RHOU: variants seen among roughly 807,000 people sequenced by gnomAD.
RHOU encodes ras homolog family member U.
A neutral mutation model predicts 12.6 loss-of-function variants in RHOU; 8 were observed. That is an observed-to-expected ratio of 0.64 (90% confidence interval 0.37 to 1.15). The LOEUF (loss-of-function observed/expected upper bound fraction) is 1.15. Ranked by LOEUF, RHOU falls within the 50% of genes most tolerant of loss-of-function variation. The pLI is 0.01. For synonymous variants in RHOU, 161 were observed against 147.4 expected (o/e 1.09, Z -0.67); for missense variants, 258 against 347.0 (o/e 0.74, Z 2.04).
chr1:228,646,736 C>CCACACA, the RHOU span, among the ~76,000 whole-genome samples: 1 of 151,902 alleles, frequency 6.6e-6, no homozygotes, highest in Non-Finnish European at 1.5e-5. Flanking sequence ...ATCCACTCCC[C>CCACACA]CACACACAGA....
At chr1:228,707,505 C>A in the RHOU span, among the ~76,000 whole-genome samples, 1 of 151,532 alleles carries the variant, frequency 6.6e-6, no homozygotes, top group Admixed American at 6.6e-5. Flanking sequence ...TGACCCCTGA[C>A]CCCCGAGCAG....
the RHOU span, among the ~76,000 whole-genome samples, chr1:228,677,684 G>A: frequency 6.6e-6 from 1 of 152,162 alleles, no homozygotes; most frequent in Non-Finnish European, 1.5e-5. Flanking sequence ...CAGAATAAGA[G>A]TGAGTATAAA....
chr1:228,695,916 T>A, the RHOU span, among the ~76,000 whole-genome samples: 1 of 152,356 alleles, frequency 6.6e-6, no homozygotes, highest in East Asian at 1.9e-4. Flanking sequence ...AATCCTGCCT[T>A]GATCTTTCAG....
the RHOU span, among the ~76,000 whole-genome samples, chr1:228,727,512 T>C: frequency 6.6e-6 from 1 of 152,160 alleles, no homozygotes; most frequent in Admixed American, 6.5e-5. Context: ...GGTTTTACCA[T>C]GTTGCCCAGG....
chr1:228,715,955 C>G, the RHOU span, among the ~76,000 whole-genome samples: 2 of 148,982 alleles, frequency 1.3e-5, no homozygotes, highest in Non-Finnish European at 3.0e-5. Flanking sequence ...CACTCTGTCA[C>G]TCAGCCTGGA....
chr1:228,668,090 A>T, the RHOU span, among the ~76,000 whole-genome samples: 1 of 152,192 alleles, frequency 6.6e-6, no homozygotes, highest in Admixed American at 6.5e-5. Context: ...AATCATACCT[A>T]TGTAATGGAA....
chr1:228,725,344 C>G, the RHOU span, among the ~76,000 whole-genome samples: 1 of 152,132 alleles, frequency 6.6e-6, no homozygotes, highest in Non-Finnish European at 1.5e-5. Context: ...TTCCTGCTGT[C>G]CTTTAGAGGT....
chr1:228,649,217 C>T, the RHOU span, among the ~76,000 whole-genome samples: 1 of 152,122 alleles, frequency 6.6e-6, no homozygotes, highest in Non-Finnish European at 1.5e-5. Context: ...TACTAGAGTA[C>T]CTGTTTACAT....
chr1:228,745,089 G>T lies in RHOU; in HGVS notation c.*1349G>T, dbSNP rs1475162085. 2.0e-5 allele frequency: 3 copies of T among 152,248 alleles called. No homozygotes were observed. The highest frequency in any genetic ancestry group is 7.2e-5 in the African/African-American group (3 of 41,450). The allele number at this position is 152,248 out of a possible 1,614,324, so 9.4% of individuals were successfully genotyped here. Reference sequence around the variant, plus strand: ...CAGTGGACTCTGAGGACTCCTGAGGGGCGGGGCGTGTAGCCAGCCAGGTGC... The same window carrying T: ...CAGTGGACTCTGAGGACTCCTGAGGTGCGGGGCGTGTAGCCAGCCAGGTGC... On this transcript the variant is annotated 3_prime_UTR_variant, in exon 3 of 3. Coordinates refer to ENST00000366691, the MANE Select transcript of RHOU (RefSeq NM_021205.6).
chr1:228,679,935 G>C, the RHOU span, among the ~76,000 whole-genome samples: 1 of 152,178 alleles, frequency 6.6e-6, no homozygotes, highest in East Asian at 1.9e-4. Context: ...AAAATGTCTC[G>C]AGCCAATAAG....
chr1:228,655,495 C>T, the RHOU span, among the ~76,000 whole-genome samples: 116 of 152,216 alleles, frequency 7.6e-4, no homozygotes, highest in African/African-American at 2.7e-3. Flanking sequence ...TAATTCTGGC[C>T]CAGAACTTTG....
the RHOU span, among the ~76,000 whole-genome samples, chr1:228,660,857 C>T: frequency 1.3e-5 from 2 of 150,676 alleles, no homozygotes; most frequent in East Asian, 2.0e-4. Context: ...TGCTTGAACC[C>T]AGGAGGCAGA....
chr1:228,657,168 T>C, the RHOU span, among the ~76,000 whole-genome samples: 1 of 145,846 alleles, frequency 6.9e-6, no homozygotes, highest in Non-Finnish European at 1.5e-5. Context: ...TCCCAGCTCC[T>C]GGGGAGGCTG....
At chr1:228,733,134 C>T (rs959881903), upstream of RHOU, among the ~76,000 whole-genome samples, 5 of 152,234 alleles carry the variant, frequency 3.3e-5, no homozygotes, top group Non-Finnish European at 7.3e-5. Context: ...CATGTCCTTA[C>T]AAACATGGGA....
the RHOU span, among the ~76,000 whole-genome samples, chr1:228,710,447 A>G: frequency 2.0e-5 from 3 of 152,122 alleles, no homozygotes; most frequent in Admixed American, 1.3e-4. Context: ...CAGCACATCA[A>G]AAAGCTTATC....
chr1:228,685,859 G>A, the RHOU span, among the ~76,000 whole-genome samples: 1 of 152,126 alleles, frequency 6.6e-6, no homozygotes, highest in Non-Finnish European at 1.5e-5. Context: ...CTCTTCAAGA[G>A]TTAATCTAGT....
chr1:228,709,327 A>G, the RHOU span, among the ~76,000 whole-genome samples: 2 of 142,602 alleles, frequency 1.4e-5, no homozygotes, highest in East Asian at 4.1e-4. Flanking sequence ...CATCTACAGA[A>G]CTCTCCACCC....
intron 2 of RHOU, among the ~76,000 whole-genome samples, chr1:228,740,730 C>T (rs1026857104): frequency 6.6e-6 from 1 of 152,208 alleles, no homozygotes; most frequent in East Asian, 1.9e-4. Flanking sequence ...CCTGGAGAAT[C>T]AACGTGAGCA....
the RHOU span, among the ~76,000 whole-genome samples, chr1:228,656,623 T>G: frequency 6.6e-6 from 1 of 152,156 alleles, no homozygotes; most frequent in East Asian, 1.9e-4. Flanking sequence ...CAAATTTGAG[T>G]GTTAAAACTT....
Sources: allele counts gnomAD v4.1 joint callset (sites outside exome capture counted in the v4.1 genomes callset), GRCh38; gene constraint gnomAD v4.1.1; transcripts MANE v1.5; gene names NCBI Gene and HGNC (gene_info 2026-07-23, HGNC 2026-07-21).